IGFBP7: variants seen among roughly 807,000 people sequenced by gnomAD.
IGFBP7 encodes the protein insulin-like growth factor-binding protein 7.
IGFBP7 carries 31 observed loss-of-function variants against 29.4 expected under a neutral mutation model. The ratio of observed to expected loss-of-function variants is 1.05; its 90% CI spans 0.79 to 1.42. The LOEUF (loss-of-function observed/expected upper bound fraction) is 1.42. Among genes scored for constraint, IGFBP7 ranks in the 40% most tolerant of loss-of-function variants. The probability of loss-of-function intolerance (pLI) is 0.00; values close to 1 mark genes in which losing one functional copy is unlikely to be tolerated. For synonymous variants in IGFBP7, 172 were observed against 174.9 expected (o/e 0.98, Z 0.13); for missense variants, 393 against 395.5 (o/e 0.99, Z 0.05).
chr4:57,068,261 G>C (rs1724967419), intron 1 of IGFBP7, among the ~76,000 whole-genome samples: 2 of 150,442 alleles, frequency 1.3e-5, no homozygotes, highest in Admixed American at 1.3e-4. Context: ...CTGTACTCTA[G>C]CCTGGGTGAC....
intron 1 of IGFBP7, among the ~76,000 whole-genome samples, chr4:57,058,384 G>T (rs1230095316): frequency 6.6e-6 from 1 of 152,072 alleles, no homozygotes; most frequent in East Asian, 1.9e-4. Context: ...AAAACAGCAT[G>T]GTACTGGTAC....
intron 1 of IGFBP7, among the ~76,000 whole-genome samples, chr4:57,070,913 TTAAA>T (rs1725037207): frequency 6.6e-6 from 1 of 152,216 alleles, no homozygotes; most frequent in African/African-American, 2.4e-5. Context: ...TCTCAATGTA[TTAAA>T]TAATCTGTTC....
intron 2 of IGFBP7, among the ~76,000 whole-genome samples, chr4:57,038,792 C>T (rs1724146086): frequency 6.6e-6 from 1 of 151,882 alleles, no homozygotes; most frequent in Non-Finnish European, 1.5e-5. Flanking sequence ...AACGACCAGG[C>T]GCGGTGGCTC....
rs1234839304 is a variant in IGFBP7, at chr4:57,089,673, G to A, written c.475+20204C>T. On this transcript the variant is annotated intron_variant, in intron 1 of 4. Coordinates refer to ENST00000295666, the MANE Select transcript of IGFBP7 (RefSeq NM_001553.3). ...CTAAAAAGAACTGCTGCCCAGCTAT[G>A]GCAGACAATGTAGCCGGCTGACTCA... Among the ~76,000 whole-genome samples the A allele has an allele frequency of 2.0e-5, 3 of 152,214 alleles. No individual in the cohort carries two copies. In the East Asian group the frequency reaches 5.8e-4, roughly 29 times the overall value.
At chr4:57,061,897 A>C (rs1294904914) in intron 1 of IGFBP7, among the ~76,000 whole-genome samples, 4 of 152,170 alleles carry the variant, frequency 2.6e-5, no homozygotes, top group Non-Finnish European at 5.9e-5. Context: ...TTCTGGGCTC[A>C]AGTGATCCTC....
At chr4:57,091,847 TG>T (rs1725648490) in intron 1 of IGFBP7, among the ~76,000 whole-genome samples, 1 of 152,140 alleles carries the variant, frequency 6.6e-6, no homozygotes, top group African/African-American at 2.4e-5. Flanking sequence ...CAAGGGCACG[TG>T]TGGTAAAAAT....
intron 1 of IGFBP7, 138 bp from the exon 2 acceptor site, chr4:57,041,071 A>G: frequency 1.5e-6 from 1 of 679,364 alleles, no homozygotes. Context: ...CAAAGACCAC[A>G]CTGGCTTCCT....
intron 2 of IGFBP7, among the ~76,000 whole-genome samples, chr4:57,034,354 T>TA (rs553472526): frequency 0.014 from 2,038 of 148,486 alleles, 20 homozygotes; most frequent in Non-Finnish European, 0.02. Flanking sequence ...TGGTGAGTTT[T>TA]AAAAAAAAAA....
Position 57,072,746 on chromosome 4 carries a change from G to A in IGFBP7, c.476-31813C>T. The A allele has an allele frequency of 6.1e-6, 3 of 494,352 alleles. 1 individual carries two copies. The highest frequency in any genetic ancestry group is 1.2e-5 in the Non-Finnish European group (3 of 248,798). 30.6% of individuals were successfully genotyped at this position (494,352 alleles called of 1,614,324 possible). A position where few individuals can be genotyped will look rare whatever the true frequency, so the allele number is the denominator to read the frequency against. On this transcript the variant is annotated intron_variant, in intron 1 of 4. Transcript: ENST00000295666. ...AATGCCTAGTGACACAGGGATTTCT[G>A]CCTTGCCTGAATCAGGCAACCTTTT...
At chr4:57,097,445 G>C (rs4865182) in intron 1 of IGFBP7, among the ~76,000 whole-genome samples, 1 of 151,952 alleles carries the variant, frequency 6.6e-6, no homozygotes, top group Admixed American at 6.6e-5. Context: ...TTTTGTTTAC[G>C]CAGGTCTGAA....
chr4:57,072,357 A>C (rs992271240), intron 1 of IGFBP7, among the ~76,000 whole-genome samples: 5 of 152,056 alleles, frequency 3.3e-5, no homozygotes, highest in African/African-American at 1.2e-4. Flanking sequence ...CAGATACCCT[A>C]TCTCTACAAA....
chr4:57,032,852 A>G (rs907186367), intron 3 of IGFBP7, among the ~76,000 whole-genome samples: 2 of 152,272 alleles, frequency 1.3e-5, no homozygotes, highest in African/African-American at 2.4e-5. Context: ...TGATCAAAGT[A>G]TTCTCCATGA....
At chr4:57,058,085 A>T (rs1724715235) in intron 1 of IGFBP7, among the ~76,000 whole-genome samples, 1 of 152,088 alleles carries the variant, frequency 6.6e-6, no homozygotes. Context: ...ATTCACAAAA[A>T]AGTCGTGGGT....
intron 1 of IGFBP7, among the ~76,000 whole-genome samples, chr4:57,071,960 A>AC (rs557421006): frequency 4.3e-4 from 66 of 151,756 alleles, no homozygotes; most frequent in Middle Eastern, 6.8e-3. Context: ...ACATGGTGAG[A>AC]CCCCTATCTC....
At chr4:57,055,050 G>A (rs910371430) in intron 1 of IGFBP7, among the ~76,000 whole-genome samples, 1 of 152,192 alleles carries the variant, frequency 6.6e-6, no homozygotes, top group Non-Finnish European at 1.5e-5. Context: ...TGCAGTATAG[G>A]GTGACCCTCT....
intron 1 of IGFBP7, among the ~76,000 whole-genome samples, chr4:57,047,150 TG>T (rs1174219599): frequency 6.6e-6 from 1 of 152,124 alleles, no homozygotes; most frequent in African/African-American, 2.4e-5. Context: ...TGTCATGGGT[TG>T]GGGGGTACGC....
Position 57,032,507 on chromosome 4 carries a change from C to T in IGFBP7, c.748G>A (p.Ala250Thr). 6.2e-7 allele frequency: 1 copy of T among 1,614,044 alleles called. No individual in the cohort carries two copies. The highest frequency in any genetic ancestry group is 8.5e-7 in the Non-Finnish European group (1 of 1,179,928). ...GAAGCCTGTCCTTGGGAATTGGATG[C>T]ATGGCACTCATATTCTCCAGCATCT... ...KEDAGEYECHASNSQGQASAS... is the reference protein window; with the variant it reads ...KEDAGEYECHTSNSQGQASAS... The change falls in exon 4 of 5, where the codon GCA becomes ACA. Residue 250 changes from alanine (A) to threonine (T), a missense_variant. Transcript: ENST00000295666.
In IGFBP7 at chr4:57,044,149, C is replaced by T. The variant is rs570326214; in HGVS notation, c.476-3216G>A. 5.1e-4 allele frequency among the ~76,000 whole-genome samples: 77 copies of T among 152,354 alleles called. No homozygotes were observed. In the South Asian group the frequency reaches 0.016, roughly 31 times the overall value. On this transcript the variant is annotated intron_variant, in intron 1 of 4. Coordinates refer to ENST00000295666, the MANE Select transcript of IGFBP7 (RefSeq NM_001553.3). ...TGCAAGACAATTTTATTGTGAGGAT[C>T]TGAGGGCCTCAGCCCTGCCAAAACC... is the stretch of plus-strand genomic sequence containing the variant.
At chr4:57,086,582 T>TTA (rs982646537) in intron 1 of IGFBP7, among the ~76,000 whole-genome samples, 1 of 152,276 alleles carries the variant, frequency 6.6e-6, no homozygotes, top group Middle Eastern at 3.4e-3. Flanking sequence ...TCCAACCCAC[T>TTA]TATATTTTGG....
Sources: allele counts gnomAD v4.1 joint callset (sites outside exome capture counted in the v4.1 genomes callset), GRCh38; gene constraint gnomAD v4.1.1; transcripts MANE v1.5; gene names NCBI Gene and HGNC (gene_info 2026-07-23, HGNC 2026-07-21).